The following LCP2 variants were observed in gnomAD, a reference collection of about 807,000 sequenced individuals.
LCP2 encodes the protein 76 kDa tyrosine phosphoprotein.
In LCP2, 29 loss-of-function variants were observed where a neutral mutation model predicts 74.5. The observed-to-expected ratio is 0.39, with a 90% CI of 0.29 to 0.53. The LOEUF is 0.53. LCP2 is among the 20% of genes least tolerant of loss of function. LCP2 has a pLI of 0.72. For synonymous variants in LCP2, 228 were observed against 229.5 expected (o/e 0.99, Z 0.06); for missense variants, 604 against 634.6 (o/e 0.95, Z 0.52).
chr5:170,248,920 T>A (rs1761361714), intron 20 of LCP2, 101 bp from the exon 21 acceptor site: 2 of 1,178,406 alleles, frequency 1.7e-6, no homozygotes, highest in South Asian at 1.3e-5. Context: ...CCTCTTCAAG[T>A]GATGAGGATT....
chr5:170,259,552 C>T (rs941526464), intron 14 of LCP2, among the ~76,000 whole-genome samples: 1 of 152,202 alleles, frequency 6.6e-6, no homozygotes, highest in Non-Finnish European at 1.5e-5. Flanking sequence ...TTGCCACCAA[C>T]TAGTAGACCA....
chr5:170,297,493 G>A, intron 1 of LCP2, 41 bp downstream of exon 1: 1 of 1,558,804 alleles, frequency 6.4e-7, no homozygotes, highest in Non-Finnish European at 8.8e-7. Flanking sequence ...GCCCACCAAG[G>A]GCACTAGCAT....
At chr5:170,252,032 C>T (rs998841106) in intron 19 of LCP2, 2 of 199,120 alleles carry the variant, frequency 1.0e-5, no homozygotes, top group Admixed American at 1.0e-4. Flanking sequence ...AAGTTGCTGC[C>T]ATCTCTTTAA....
At chr5:170,289,221 G>A (rs1250187937) in intron 2 of LCP2, among the ~76,000 whole-genome samples, 2 of 152,232 alleles carry the variant, frequency 1.3e-5, no homozygotes, top group Non-Finnish European at 2.9e-5. Context: ...TTGGCACAGT[G>A]CCTGGCACAG....
intron 14 of LCP2, 100 bp downstream of exon 14, chr5:170,261,007 G>C: frequency 1.2e-6 from 1 of 862,228 alleles, no homozygotes; most frequent in Non-Finnish European, 2.0e-6. Flanking sequence ...CCTGCTCCAG[G>C]TTCTGGGCCA....
chr5:170,288,814 T>C (rs1762229023), intron 2 of LCP2, among the ~76,000 whole-genome samples: 1 of 152,100 alleles, frequency 6.6e-6, no homozygotes, highest in South Asian at 2.1e-4. Flanking sequence ...CCACGTCTGA[T>C]CCTTTTGACG....
chr5:170,257,312 C>T (rs1761571206), intron 16 of LCP2, among the ~76,000 whole-genome samples: 1 of 152,192 alleles, frequency 6.6e-6, no homozygotes, highest in Non-Finnish European at 1.5e-5. Flanking sequence ...AGCAGAAACT[C>T]AGGGCCAGAG....
intron 14 of LCP2, among the ~76,000 whole-genome samples, chr5:170,259,378 C>T (rs1761615299): frequency 6.6e-6 from 1 of 152,174 alleles, no homozygotes; most frequent in African/African-American, 2.4e-5. Context: ...GCAATGGCCA[C>T]TCTTCTTAAG....
At chr5:170,294,145 CTCTT>C (rs1277334311) in intron 1 of LCP2, among the ~76,000 whole-genome samples, 1 of 152,194 alleles carries the variant, frequency 6.6e-6, no homozygotes, top group Non-Finnish European at 1.5e-5. Flanking sequence ...GCTTTAATGT[CTCTT>C]TCAGAAATAT....
At chr5:170,282,649 T>C (rs1356168715) in intron 3 of LCP2, among the ~76,000 whole-genome samples, 1 of 152,214 alleles carries the variant, frequency 6.6e-6, no homozygotes, top group Non-Finnish European at 1.5e-5. Flanking sequence ...AAAGCAAGAA[T>C]AGCCAACACT....
At chr5:170,253,055 G>T in intron 18 of LCP2, 64 bp downstream of exon 18, 1 of 1,006,014 alleles carries the variant, frequency 9.9e-7, no homozygotes, top group Non-Finnish European at 1.5e-6. Flanking sequence ...TTCAATGGGA[G>T]TTTCTGGTGA....
At chr5:170,278,108 T>A (rs1045792814) in intron 3 of LCP2, among the ~76,000 whole-genome samples, 5 of 150,798 alleles carry the variant, frequency 3.3e-5, no homozygotes, top group Non-Finnish European at 4.4e-5. Context: ...GTGTCCTGTG[T>A]CCTGGCCGTG....
chr5:170,264,978 C>CTTTTTTTTTT (rs58508083), intron 10 of LCP2, among the ~76,000 whole-genome samples: 47 of 108,990 alleles, frequency 4.3e-4, no homozygotes, highest in African/African-American at 1.9e-3. Context: ...CAAAATTTGC[C>CTTTTTTTTTT]TTTTTTTTTT....
intron 3 of LCP2, among the ~76,000 whole-genome samples, chr5:170,281,382 C>G (rs956874350): frequency 6.6e-6 from 1 of 152,122 alleles, no homozygotes; most frequent in African/African-American, 2.4e-5. Flanking sequence ...CGGGTTCACG[C>G]CATTCTCCTG....
chr5:170,270,961 G>T, intron 6 of LCP2, 44 bp from the exon 7 acceptor site: 1 of 1,531,620 alleles, frequency 6.5e-7, no homozygotes, highest in Non-Finnish European at 8.8e-7. Context: ...TAGAGGCTCT[G>T]TGGCCCTCGA....
At chr5:170,261,376 G>A (rs1185990455) in intron 13 of LCP2, among the ~76,000 whole-genome samples, 1 of 147,440 alleles carries the variant, frequency 6.8e-6, no homozygotes, top group Admixed American at 6.9e-5. Flanking sequence ...CATAACTAAT[G>A]CAGCAAATAA....
intron 3 of LCP2, among the ~76,000 whole-genome samples, chr5:170,285,106 T>C (rs543477963): frequency 2.0e-5 from 3 of 152,240 alleles, no homozygotes; most frequent in Non-Finnish European, 2.9e-5. Context: ...GAGTTTCAAT[T>C]TGGACAATTT....
At position 170,246,251 on chromosome 5, in the gene LCP2, GT is replaced by G; in HGVS notation, c.*2445del. The G allele has an allele frequency of 1.4e-6, 1 of 723,350 alleles. No homozygotes were observed. Among genetic ancestry groups the G allele is most frequent in the Non-Finnish European group, 2.1e-6 (1 of 474,236 alleles). 44.8% of individuals were successfully genotyped at this position (723,350 alleles called of 1,614,324 possible). On this transcript the variant is annotated 3_prime_UTR_variant, in exon 21 of 21. Transcript: ENST00000046794. ...CAAGCAGTTCATGTTCTTGAAGGCT[GT>G]TTAATGTTTTGAAGAATGGCTTAAC...
In LCP2 at chr5:170,290,091, T is replaced by G. The variant is rs139418193; in HGVS notation, c.142-2075A>C. On this transcript the variant is annotated intron_variant, in intron 2 of 20. Transcript: ENST00000046794. ...AAGATGAGAGATGTTGAAACAGAATTTTTGGAGAGTTTTGCTATGTGATGT... is the reference window on the plus strand; with the variant it reads ...AAGATGAGAGATGTTGAAACAGAATGTTTGGAGAGTTTTGCTATGTGATGT... Among the ~76,000 whole-genome samples, 699 of 152,266 alleles carry G rather than the reference T, an allele frequency of 4.6e-3. 1 individual carries two copies. The highest frequency in any genetic ancestry group is 7.7e-3 in the Admixed American group (118 of 15,310).
Sources: allele counts gnomAD v4.1 joint callset (sites outside exome capture counted in the v4.1 genomes callset), GRCh38; gene constraint gnomAD v4.1.1; transcripts MANE v1.5; gene names NCBI Gene and HGNC (gene_info 2026-07-23, HGNC 2026-07-21).